GUCY1A2: variants seen among roughly 807,000 people sequenced by gnomAD.
The protein encoded by GUCY1A2 is guanylate cyclase soluble subunit alpha-2.
Under a neutral mutation model 63.5 loss-of-function variants are expected in GUCY1A2, and 27 were observed. That is an observed-to-expected ratio of 0.43 (90% CI 0.31 to 0.59). The LOEUF is 0.59. GUCY1A2 is among the 20% of genes least tolerant of loss of function. The pLI is 0.11. For missense variants in GUCY1A2, 768 were observed against 913.3 expected (o/e 0.84, Z 2.05); for synonymous variants, 364 against 343.5 (o/e 1.06, Z -0.66).
intron 3 of GUCY1A2, among the ~76,000 whole-genome samples, chr11:106,960,747 A>C (rs1216521490): frequency 3.9e-5 from 6 of 152,156 alleles, no homozygotes; most frequent in African/African-American, 1.4e-4. Flanking sequence ...GCGGTAGTGC[A>C]CGTGAGTATG....
intron 5 of GUCY1A2, among the ~76,000 whole-genome samples, chr11:106,797,212 T>A (rs1330229362): frequency 1.3e-5 from 2 of 152,118 alleles, no homozygotes. Context: ...CTTTGCGATG[T>A]GTTCGAACTT....
chr11:106,752,050 G>C (rs1161158562), intron 6 of GUCY1A2, among the ~76,000 whole-genome samples: 3 of 152,152 alleles, frequency 2.0e-5, no homozygotes, highest in Admixed American at 6.5e-5. Flanking sequence ...TTATTTGCAA[G>C]TTACAATATG....
At chr11:106,772,022 GAACAAT>G (rs1864266589) in intron 6 of GUCY1A2, among the ~76,000 whole-genome samples, 1 of 151,796 alleles carries the variant, frequency 6.6e-6, no homozygotes, top group East Asian at 1.9e-4. Flanking sequence ...AGTACTTATT[GAACAAT>G]AATTTACTTG....
At chr11:106,826,867 T>A (rs1858978230) in intron 4 of GUCY1A2, 1 of 1,605,852 alleles carries the variant, frequency 6.2e-7, no homozygotes, top group South Asian at 1.1e-5. Context: ...CATATGATCA[T>A]CCACTTTCAG....
rs1400948872 is a variant in GUCY1A2 at position 106,939,614 on chromosome 11, C to T, written c.1052G>A (p.Arg351Gln). The T allele has an allele frequency of 6.2e-6, 10 of 1,613,788 alleles. No homozygotes were observed. Among genetic ancestry groups the T allele is most frequent in the East Asian group, 2.2e-5 (1 of 44,870 alleles). ...QLGEGLRKQLRCDTHKVLKFE... is the reference protein window; with the variant it reads ...QLGEGLRKQLQCDTHKVLKFE... ...CTTGAGCACTTTGTGAGTGTCACAT[C>T]GAAGCTGCTTCCTTAGACCTTCCCC... is the stretch of plus-strand genomic sequence containing the variant. The change falls in exon 4 of 8, where the codon CGA becomes CAA. Residue 351 changes from arginine (R) to glutamine (Q), a missense_variant. Arg to Gln is a conservative substitution (Grantham distance 43). Transcript: ENST00000526355.
At position 106,740,468 on chromosome 11, in the gene GUCY1A2, C is replaced by T. The variant is rs1863674034; in HGVS notation, c.1837-31802G>A. Among the ~76,000 whole-genome samples the T allele has an allele frequency of 3.9e-5, 6 of 152,240 alleles. 1 individual carries two copies. The South Asian group carries it at 1.2e-3, about 32-fold the overall frequency. ...AAAATAATATTTGAGGTGACTGTTTCAGCAGCCTGTTTCTTGTCACCAAGA... is the reference window on the plus strand; with the variant it reads ...AAAATAATATTTGAGGTGACTGTTTTAGCAGCCTGTTTCTTGTCACCAAGA... On this transcript the variant is annotated intron_variant, in intron 6 of 7. Coordinates refer to ENST00000526355, the MANE Select transcript of GUCY1A2 (RefSeq NM_000855.3).
intron 5 of GUCY1A2, among the ~76,000 whole-genome samples, chr11:106,791,677 T>C (rs188715236): frequency 5.3e-5 from 8 of 152,256 alleles, no homozygotes; most frequent in Admixed American, 3.9e-4. Flanking sequence ...TCAGAATAAA[T>C]ATAGATTTAA....
At chr11:106,721,620 T>C (rs751403529) in intron 6 of GUCY1A2, among the ~76,000 whole-genome samples, 6 of 152,216 alleles carry the variant, frequency 3.9e-5, no homozygotes, top group Non-Finnish European at 8.8e-5. Flanking sequence ...CTGAGCAGGT[T>C]GGTTCTTTAA....
At chr11:106,734,432 G>GA (rs1863554885) in intron 6 of GUCY1A2, among the ~76,000 whole-genome samples, 1 of 151,762 alleles carries the variant, frequency 6.6e-6, no homozygotes, top group Non-Finnish European at 1.5e-5. Context: ...CAATAGGTTT[G>GA]AAAAAAATAA....
chr11:106,952,497 G>A (rs1381487986), intron 3 of GUCY1A2, among the ~76,000 whole-genome samples: 1 of 151,974 alleles, frequency 6.6e-6, no homozygotes, highest in Non-Finnish European at 1.5e-5. Flanking sequence ...TCTCTTTGTA[G>A]CAATTGTGAA....
chr11:106,777,057 G>GT (rs1382864597), intron 5 of GUCY1A2, among the ~76,000 whole-genome samples: 2 of 152,058 alleles, frequency 1.3e-5, no homozygotes, highest in East Asian at 3.9e-4. Context: ...CTTAAAAATT[G>GT]TAACGCCTAA....
intron 6 of GUCY1A2, among the ~76,000 whole-genome samples, chr11:106,724,849 C>A (rs867807539): frequency 6.6e-6 from 1 of 152,128 alleles, no homozygotes; most frequent in African/African-American, 2.4e-5. Flanking sequence ...TCAAGCCCTT[C>A]GCATCTATTA....
intron 5 of GUCY1A2, among the ~76,000 whole-genome samples, chr11:106,781,500 A>ATCTT (rs2135406144): frequency 6.6e-6 from 1 of 152,296 alleles, no homozygotes; most frequent in African/African-American, 2.4e-5. Flanking sequence ...CAGAATCAAA[A>ATCTT]TCTTTACATT....
intron 1 of GUCY1A2, among the ~76,000 whole-genome samples, chr11:106,997,728 G>A (rs953568670): frequency 7.9e-5 from 12 of 151,136 alleles, no homozygotes; most frequent in Admixed American, 1.3e-4. Context: ...TAGGAGAACC[G>A]GGCACTAAAA....
rs142486024 is a variant in GUCY1A2, at chr11:106,735,949, A to T, written c.1837-27283T>A. Among the ~76,000 whole-genome samples the T allele has an allele frequency of 3.3e-3, 503 of 152,172 alleles. 2 individuals carry two copies. Among genetic ancestry groups the T allele is most frequent in the African/African-American group, 0.011 (460 of 41,536 alleles). ...GTCTTCTTTTGAGTAGTGTCTATTCAGATCTTTTACTCATTTTTTAATCAA... is the reference window on the plus strand; with the variant it reads ...GTCTTCTTTTGAGTAGTGTCTATTCTGATCTTTTACTCATTTTTTAATCAA... On this transcript the variant is annotated intron_variant, in intron 6 of 7. Transcript: ENST00000526355.
intron 3 of GUCY1A2, among the ~76,000 whole-genome samples, chr11:106,969,490 T>C (rs917261963): frequency 4.6e-5 from 7 of 152,112 alleles, no homozygotes; most frequent in African/African-American, 1.7e-4. Context: ...AACAAAAGTC[T>C]TCTAACACAA....
intron 4 of GUCY1A2, among the ~76,000 whole-genome samples, chr11:106,865,794 T>TATAATA (rs564726543): frequency 1.3e-5 from 2 of 151,088 alleles, no homozygotes; most frequent in Non-Finnish European, 2.9e-5. Flanking sequence ...GAACTTAAAG[T>TATAATA]ATAATAATAA....
intron 4 of GUCY1A2, among the ~76,000 whole-genome samples, chr11:106,877,915 TAAAC>T (rs1359689482): frequency 2.0e-5 from 3 of 150,990 alleles, no homozygotes; most frequent in African/African-American, 4.9e-5. Flanking sequence ...ATAACAAACT[TAAAC>T]AAACTTACAA....
intron 6 of GUCY1A2, among the ~76,000 whole-genome samples, chr11:106,733,395 C>T (rs1487269265): frequency 6.6e-6 from 1 of 152,040 alleles, no homozygotes; most frequent in Non-Finnish European, 1.5e-5. Context: ...TATGTTGGTA[C>T]CAGACTGTAA....
Sources: gnomAD v4.1 joint callset for allele counts (sites outside exome capture counted in the v4.1 genomes callset) on GRCh38, gnomAD v4.1.1 for gene constraint, MANE v1.5 for transcripts, NCBI Gene and HGNC (gene_info 2026-07-23, HGNC 2026-07-21) for gene names.